UCK2: variants seen among roughly 807,000 people sequenced by gnomAD.
UCK2 encodes the protein cytidine monophosphokinase 2.
Under a neutral mutation model 30.8 loss-of-function variants are expected in UCK2, and 6 were observed. The observed-to-expected ratio is 0.19, with a 90% confidence interval of 0.11 to 0.38. The LOEUF (loss-of-function observed/expected upper bound fraction) is 0.38. Ranked by LOEUF, UCK2 falls within the 10% of genes least tolerant of loss-of-function variation. The pLI, the probability that UCK2 is intolerant of heterozygous loss-of-function variation, is 1.00. For synonymous variants in UCK2, 125 were observed against 133.6 expected (o/e 0.94, Z 0.45); for missense variants, 210 against 339.8 (o/e 0.62, Z 3.00).
At chr1:165,900,802 C>T (rs1229783193) in intron 4 of UCK2, 2 of 152,234 alleles carry the variant, frequency 1.3e-5, no homozygotes, top group African/African-American at 4.8e-5. Context: ...AGTGCTAAAG[C>T]CTTCAGCAAT....
Position 165,908,810 on chromosome 1 carries a change from T to C in UCK2, c.*987T>C. 6.6e-6 allele frequency: 1 copy of C among 152,498 alleles called. No homozygotes were observed. Among genetic ancestry groups the C allele is most frequent in the East Asian group, 1.9e-4 (1 of 5,182 alleles). The allele number at this position is 152,498 out of a possible 1,614,324, so 9.4% of individuals were successfully genotyped here. On this transcript the variant is annotated 3_prime_UTR_variant, in exon 7 of 7. Coordinates refer to ENST00000367879, the MANE Select transcript of UCK2 (RefSeq NM_012474.5). ...GTATTGTGGAATATAGAGTGGACCA[T>C]TGCAGGCTGGGTGTGGGTGAGGGCT...
At chr1:165,854,222 C>T (rs532939842) in intron 1 of UCK2, among the ~76,000 whole-genome samples, 1 of 152,346 alleles carries the variant, frequency 6.6e-6, no homozygotes, top group Admixed American at 6.5e-5. Flanking sequence ...CTGAGAACGT[C>T]TGTGTGATCT....
At chr1:165,862,423 A>G (rs1654936617) in intron 1 of UCK2, among the ~76,000 whole-genome samples, 2 of 152,186 alleles carry the variant, frequency 1.3e-5, no homozygotes, top group Admixed American at 6.5e-5. Flanking sequence ...AGATCATGGG[A>G]GGTCCTTTGG....
intron 1 of UCK2, among the ~76,000 whole-genome samples, chr1:165,828,315 A>T (rs1184917526): frequency 6.6e-6 from 1 of 152,090 alleles, no homozygotes; most frequent in South Asian, 2.1e-4. Flanking sequence ...CTAACCCCCG[A>T]TGGACTCCCT....
intron 1 of UCK2, among the ~76,000 whole-genome samples, chr1:165,887,464 A>G (rs563293020): frequency 6.6e-6 from 1 of 152,330 alleles, no homozygotes; most frequent in African/African-American, 2.4e-5. Flanking sequence ...ACTTTTTAAT[A>G]TGCTTTTTTG....
chr1:165,855,105 CTA>C (rs1307023656), intron 1 of UCK2, among the ~76,000 whole-genome samples: 4 of 152,184 alleles, frequency 2.6e-5, no homozygotes, highest in African/African-American at 9.7e-5. Flanking sequence ...GTTAGCCAGC[CTA>C]TGTTTCTCCC....
chr1:165,904,778 T>C (rs73031470), intron 5 of UCK2, among the ~76,000 whole-genome samples: 15,898 of 152,184 alleles, frequency 0.1, 2,412 homozygotes, highest in African/African-American at 0.33. Context: ...GATGCCCACA[T>C]GCTTGAGGTG....
chr1:165,881,182 TAAAAAA>T (rs56886913), intron 1 of UCK2, among the ~76,000 whole-genome samples: 1 of 92,852 alleles, frequency 1.1e-5, no homozygotes, highest in East Asian at 3.7e-4. Flanking sequence ...CAATAAAACT[TAAAAAA>T]AAAAAAAAAA....
chr1:165,847,726 G>T (rs917814085), intron 1 of UCK2, among the ~76,000 whole-genome samples: 2 of 152,038 alleles, frequency 1.3e-5, no homozygotes, highest in Admixed American at 1.3e-4. Context: ...CGATCCTCCT[G>T]CCTCATCCTT....
intron 3 of UCK2, among the ~76,000 whole-genome samples, chr1:165,892,991 A>G (rs1655807946): frequency 1.3e-5 from 2 of 152,194 alleles, no homozygotes; most frequent in Admixed American, 1.3e-4. Flanking sequence ...CGGCAGGGCC[A>G]GGAGCACAGA....
At chr1:165,878,434 G>A (rs1015007596) in intron 1 of UCK2, among the ~76,000 whole-genome samples, 9 of 151,794 alleles carry the variant, frequency 5.9e-5, no homozygotes, top group Non-Finnish European at 7.4e-5. Flanking sequence ...GGGTTCAAGC[G>A]ATTCTCCTGC....
intron 3 of UCK2, among the ~76,000 whole-genome samples, chr1:165,893,346 C>A (rs1238367888): frequency 6.6e-6 from 1 of 152,154 alleles, no homozygotes; most frequent in Admixed American, 6.5e-5. Flanking sequence ...TATTTTAAAA[C>A]CTTATCCTTT....
chr1:165,909,248 G>A lies in UCK2; in HGVS notation c.*1425G>A, dbSNP rs1647773609. On this transcript the variant is annotated 3_prime_UTR_variant, in exon 7 of 7. Transcript: ENST00000367879. The stretch of plus-strand genomic sequence containing the variant: ...GCCCAAGTGAGCCTGAAGGAGTTCT[G>A]ATTATAGAGTCCCGAGCCTCAGTTT... The A allele has an allele frequency of 6.6e-6, 1 of 152,124 alleles. No individual in the cohort carries two copies. Among genetic ancestry groups the A allele is most frequent in the Non-Finnish European group, 1.5e-5 (1 of 68,050 alleles). The allele number at this position is 152,124 out of a possible 1,614,324, so 9.4% of individuals were successfully genotyped here.
chr1:165,843,892 A>T (rs1189670926), intron 1 of UCK2, among the ~76,000 whole-genome samples: 1 of 152,164 alleles, frequency 6.6e-6, no homozygotes, highest in Non-Finnish European at 1.5e-5. Flanking sequence ...TTATATCACT[A>T]ATACCATTTG....
intron 1 of UCK2, among the ~76,000 whole-genome samples, chr1:165,884,501 C>T (rs1297856527): frequency 6.6e-6 from 1 of 152,242 alleles, no homozygotes; most frequent in Non-Finnish European, 1.5e-5. Context: ...GACGCCCTCC[C>T]AAGGGCTGAA....
intron 1 of UCK2, among the ~76,000 whole-genome samples, chr1:165,883,222 T>G (rs774138254): frequency 6.6e-6 from 1 of 152,194 alleles, no homozygotes; most frequent in Non-Finnish European, 1.5e-5. Context: ...CTGCTTGAGC[T>G]TCAGCTATCA....
At chr1:165,868,009 G>A (rs1655090366) in intron 1 of UCK2, among the ~76,000 whole-genome samples, 1 of 152,150 alleles carries the variant, frequency 6.6e-6, no homozygotes, top group African/African-American at 2.4e-5. Context: ...TCTGATCCAT[G>A]GGCTGCAGAA....
At chr1:165,849,371 A>G (rs956862247) in intron 1 of UCK2, among the ~76,000 whole-genome samples, 1 of 152,178 alleles carries the variant, frequency 6.6e-6, no homozygotes, top group Non-Finnish European at 1.5e-5. Flanking sequence ...TGCTTGGCAC[A>G]ACCGTGGGCT....
intron 1 of UCK2, among the ~76,000 whole-genome samples, chr1:165,836,560 A>G (rs1258403228): frequency 6.6e-6 from 1 of 152,230 alleles, no homozygotes; most frequent in Non-Finnish European, 1.5e-5. Flanking sequence ...TGTAGAAAGC[A>G]GGAAAACTGG....
Sources: allele counts gnomAD v4.1 joint callset (sites outside exome capture counted in the v4.1 genomes callset), GRCh38; gene constraint gnomAD v4.1.1; transcripts MANE v1.5; gene names NCBI Gene and HGNC (gene_info 2026-07-23, HGNC 2026-07-21).